Variants in TP53BP1 observed in about 807,000 individuals in gnomAD.
TP53BP1 encodes the protein TP53-binding protein 1.
Under a neutral mutation model 200.8 loss-of-function variants are expected in TP53BP1, and 61 were observed. That is an observed-to-expected ratio of 0.30 (90% CI 0.25 to 0.38). TP53BP1 has a LOEUF of 0.38. TP53BP1 is among the 10% of genes least tolerant of loss of function. The pLI is 1.00. For missense variants in TP53BP1, 2,144 were observed against 2,371.9 expected, an observed-to-expected ratio of 0.90 and a Z score of 2.00; for synonymous variants, 822 against 844.3, an observed-to-expected ratio of 0.97 and a Z score of 0.46.
At position 43,403,703 on chromosome 15, in the gene TP53BP1, A is replaced by C; in HGVS notation, c.*3680T>G. ...GGTAGGTGTTTCACTGCCTGAATGA[A>C]ATCCTAGATCTCTGTCACAGTTTTT... On this transcript the variant is annotated 3_prime_UTR_variant, in exon 28 of 28. Coordinates refer to ENST00000382044, the MANE Select transcript of TP53BP1 (RefSeq NM_001141980.3). 1 of 1,612,762 alleles carries C rather than the reference A, an allele frequency of 6.2e-7. No individual in the cohort carries two copies. The highest frequency in any genetic ancestry group is 8.5e-7 in the Non-Finnish European group (1 of 1,179,828).
chr15:43,416,304 T>C lies in TP53BP1; in HGVS notation c.4794A>G (p.Gly1598=). ...GCCCATACTGCTCTCTCAGTCTGTTTCCTTGCTCCAAGGACAGGATGACAG... is the reference window on the plus strand; with the variant it reads ...GCCCATACTGCTCTCTCAGTCTGTTCCCTTGCTCCAAGGACAGGATGACAG... The part of the protein sequence containing the change: ...RMAVILSLEQ[G]NRLREQYGLG... Residue 1598 remains glycine (G), a synonymous_variant, in exon 22 of 28, where the codon GGA becomes GGG. Coordinates refer to ENST00000382044, the MANE Select transcript of TP53BP1 (RefSeq NM_001141980.3). 5 of 1,614,244 alleles carry C rather than the reference T, an allele frequency of 3.1e-6. No homozygotes were observed. The highest frequency in any genetic ancestry group is 4.2e-6 in the Non-Finnish European group (5 of 1,180,040).
intron 1 of TP53BP1, among the ~76,000 whole-genome samples, chr15:43,507,734 T>G (rs891366362): frequency 1.6e-4 from 25 of 152,156 alleles, no homozygotes; most frequent in African/African-American, 6.0e-4. Context: ...TTTTTTTTTT[T>G]CTGTTTGAGA....
At chr15:43,426,447 A>C (rs1368413227) in intron 18 of TP53BP1, among the ~76,000 whole-genome samples, 4 of 151,432 alleles carry the variant, frequency 2.6e-5, no homozygotes, top group Non-Finnish European at 5.9e-5. Context: ...GTCAAAAAAA[A>C]AAAAAAAAAA....
intron 16 of TP53BP1, among the ~76,000 whole-genome samples, chr15:43,435,267 CAAAAAAAAAAAA>C (rs377275791): frequency 1.8e-5 from 1 of 55,698 alleles, no homozygotes; most frequent in South Asian, 9.3e-4. Context: ...GACCCCATCT[CAAAAAAAAAAAA>C]AAAAAAAAAA....
Position 43,482,625 on chromosome 15 carries a change from G to A in TP53BP1, c.372-1603C>T, listed in dbSNP as rs144250763. On this transcript the variant is annotated intron_variant, in intron 4 of 27. Coordinates refer to ENST00000382044, the MANE Select transcript of TP53BP1 (RefSeq NM_001141980.3). ...CTACTAAAAATACAAAAAATTAGCC[G>A]GGCGTGGTGGCACGCACCTGTAGTC... Among the ~76,000 whole-genome samples the A allele has an allele frequency of 3.6e-3, 551 of 152,256 alleles. 3 individuals carry two copies. Among genetic ancestry groups the A allele is most frequent in the African/African-American group, 0.012 (515 of 41,554 alleles).
chr15:43,501,203 A>ATTTTT (rs36110259), intron 1 of TP53BP1, among the ~76,000 whole-genome samples: 13 of 145,318 alleles, frequency 8.9e-5, no homozygotes, highest in African/African-American at 3.0e-4. Flanking sequence ...TAATTGTGTA[A>ATTTTT]TTTTTTTTTT....
At chr15:43,438,841 A>C (rs2045862375) in intron 15 of TP53BP1, among the ~76,000 whole-genome samples, 1 of 151,958 alleles carries the variant, frequency 6.6e-6, no homozygotes, top group South Asian at 2.1e-4. Flanking sequence ...TCTTGAGTCA[A>C]ACTGTAAAAC....
Position 43,432,314 on chromosome 15 carries a change from C to T in TP53BP1, c.3555G>A (p.Gln1185=). ...AGTTCTGGTCCACTGTACTGGTCCCCTGCTCACACACATTCTTTATAGTCT... is the reference window on the plus strand; with the variant it reads ...AGTTCTGGTCCACTGTACTGGTCCCTTGCTCACACACATTCTTTATAGTCT... ...ATQTIKNVCE[Q]GTSTVDQNFG... is the part of the protein sequence containing the mutation. The change falls in exon 17 of 28, where the codon CAG becomes CAA. Residue 1185 remains glutamine (Q), a synonymous_variant. Transcript: ENST00000382044. 1.2e-6 allele frequency: 2 copies of T among 1,614,188 alleles called. No homozygotes were observed. The highest frequency in any genetic ancestry group is 1.7e-6 in the Non-Finnish European group (2 of 1,180,012).
Position 43,457,115 on chromosome 15 carries a change from G to C in TP53BP1, c.1493C>G (p.Ser498Ter). The C allele has an allele frequency of 6.2e-7, 1 of 1,614,126 alleles. No homozygotes were observed. Among genetic ancestry groups the C allele is most frequent in the Non-Finnish European group, 8.5e-7 (1 of 1,180,020 alleles). Residue 498 changes from serine (S) to a stop codon, truncating the protein, a stop_gained, in exon 12 of 28, where the codon TCA (serine) becomes TGA (stop). Transcript: ENST00000382044. LOFTEE classifies it high-confidence loss of function. ...SSLTVECSKTSEIEPKNSPED... is the reference protein window; with the variant it reads ...SSLTVECSKT Reference sequence around the variant, plus strand: ...AGGGGAATTCTTTGGTTCAATCTCTGAAGTTTTAGAACACTCAACTGTCAA... The same window carrying C: ...AGGGGAATTCTTTGGTTCAATCTCTCAAGTTTTAGAACACTCAACTGTCAA...
intron 16 of TP53BP1, among the ~76,000 whole-genome samples, chr15:43,435,003 G>A (rs1381833596): frequency 6.6e-6 from 1 of 152,132 alleles, no homozygotes; most frequent in Admixed American, 6.5e-5. Context: ...GCTCACACCA[G>A]TAATCCCAGC....
intron 1 of TP53BP1, among the ~76,000 whole-genome samples, chr15:43,499,795 A>ATGG (rs2079200311): frequency 6.6e-6 from 1 of 152,216 alleles, no homozygotes; most frequent in Non-Finnish European, 1.5e-5. Context: ...TTTTGGCTCC[A>ATGG]TGGTGGTGGT....
chr15:43,448,845 G>A (rs1003399553), intron 12 of TP53BP1, among the ~76,000 whole-genome samples: 2 of 152,146 alleles, frequency 1.3e-5, no homozygotes, highest in African/African-American at 4.8e-5. Flanking sequence ...TGTAAAGAGG[G>A]GCCAGGTACC....
In TP53BP1 at chr15:43,456,041, T is replaced by C. The variant is rs1389421465; in HGVS notation, c.2567A>G (p.Gln856Arg). The C allele has an allele frequency of 1.2e-6, 2 of 1,614,220 alleles. No homozygotes were observed. Among genetic ancestry groups the C allele is most frequent in the East Asian group, 2.2e-5 (1 of 44,882 alleles). ...TGTTTTCTCCTGAGTTTGGGGCTGCTGCAACTCCTGGTCAAGTCTTAAAGG... is the reference window on the plus strand; with the variant it reads ...TGTTTTCTCCTGAGTTTGGGGCTGCCGCAACTCCTGGTCAAGTCTTAAAGG... ...DDPLRLDQEL[Q>R]QPQTQEKTSN... The change falls in exon 12 of 28, where the codon CAG becomes CGG. Residue 856 changes from glutamine (Q) to arginine (R), a missense_variant. Coordinates refer to ENST00000382044, the MANE Select transcript of TP53BP1 (RefSeq NM_001141980.3).
chr15:43,430,960 C>T (rs556604343), intron 17 of TP53BP1, among the ~76,000 whole-genome samples: 7 of 151,958 alleles, frequency 4.6e-5, no homozygotes, highest in South Asian at 2.1e-4. Flanking sequence ...TTCAGATTGC[C>T]GGCATCACTA....
chr15:43,423,889 C>G (rs776077511), intron 18 of TP53BP1, among the ~76,000 whole-genome samples: 11 of 152,068 alleles, frequency 7.2e-5, no homozygotes, highest in Non-Finnish European at 1.2e-4. Flanking sequence ...CCTTTAAAAT[C>G]GGTATTTCCC....
At chr15:43,428,229 T>A in intron 17 of TP53BP1, 61 bp from the exon 18 acceptor site, 1 of 1,433,942 alleles carries the variant, frequency 7.0e-7, no homozygotes, top group Admixed American at 1.8e-5. Context: ...AAATCACAAA[T>A]CTTATGCTTC....
chr15:43,406,272 C>A lies in TP53BP1; in HGVS notation c.*1111G>T. 1 of 204,956 alleles carries A rather than the reference C, an allele frequency of 4.9e-6. No homozygotes were observed. Among genetic ancestry groups the A allele is most frequent in the East Asian group, 1.3e-4 (1 of 7,846 alleles). The allele number at this position is 204,956 out of a possible 1,614,324, so 12.7% of individuals were successfully genotyped here. The stretch of plus-strand genomic sequence containing the variant: ...TATTCACTGAACAACGCCCTCCAAA[C>A]TGAAAAAGAATGCAGTGTTCTGGCA... On this transcript the variant is annotated 3_prime_UTR_variant, in exon 28 of 28. Transcript: ENST00000382044.
chr15:43,482,957 A>T (rs1157248384), intron 4 of TP53BP1, among the ~76,000 whole-genome samples: 1 of 152,164 alleles, frequency 6.6e-6, no homozygotes, highest in Non-Finnish European at 1.5e-5. Context: ...GAAACAATCA[A>T]ATACAAAATG....
chr15:43,407,698 C>T lies in TP53BP1; in HGVS notation c.5747-128G>A, dbSNP rs1595513338. The T allele has an allele frequency of 5.4e-6, 5 of 925,788 alleles. No individual in the cohort carries two copies. In the East Asian group the frequency reaches 1.3e-4, roughly 24 times the overall value. The allele number at this position is 925,788 out of a possible 1,614,324, so 57.3% of individuals were successfully genotyped here. ...CCAAAGCCCTATTATGTCAAACACA[C>T]TGCTACTGATCATGACCAAAGGCAG... On this transcript the variant is annotated intron_variant, in intron 27 of 27. Transcript: ENST00000382044.
Sources: gnomAD v4.1 joint callset for allele counts (sites outside exome capture counted in the v4.1 genomes callset) on GRCh38, gnomAD v4.1.1 for gene constraint, MANE v1.5 for transcripts, NCBI Gene and HGNC (gene_info 2026-07-23, HGNC 2026-07-21) for gene names.